Variants in OTUD7A observed in about 807,000 individuals in gnomAD.
The protein encoded by OTUD7A is OTU domain-containing protein 7A.
In OTUD7A, 12 loss-of-function variants were observed where a neutral mutation model predicts 65.7. The ratio of observed to expected loss-of-function variants is 0.18; its 90% confidence interval spans 0.12 to 0.30. The LOEUF is 0.30. OTUD7A is among the 10% of genes least tolerant of loss of function. The pLI is 1.00. For missense variants in OTUD7A, 1,148 were observed against 1,304.8 expected (o/e 0.88, Z 1.85); for synonymous variants, 641 against 586.3 (o/e 1.09, Z -1.35).
At chr15:31,750,253 CA>C (rs1894595419) in intron 1 of OTUD7A, among the ~76,000 whole-genome samples, 1 of 151,764 alleles carries the variant, frequency 6.6e-6, no homozygotes, top group African/African-American at 2.4e-5. Context: ...ACAAAAAATA[CA>C]AAAATTAGCT....
At chr15:31,571,731 T>TCA (rs1285471617) in intron 3 of OTUD7A, among the ~76,000 whole-genome samples, 1 of 152,188 alleles carries the variant, frequency 6.6e-6, no homozygotes, top group African/African-American at 2.4e-5. Flanking sequence ...CTTCCAGCAC[T>TCA]CAGAGTTAAA....
At chr15:31,672,873 G>GT (rs1224358822) in intron 1 of OTUD7A, among the ~76,000 whole-genome samples, 1 of 152,208 alleles carries the variant, frequency 6.6e-6, no homozygotes, top group African/African-American at 2.4e-5. Context: ...GGGAATAGCA[G>GT]TAAGTGTAGG....
intron 5 of OTUD7A, among the ~76,000 whole-genome samples, chr15:31,555,217 T>TG (rs1188186446): frequency 2.0e-5 from 3 of 152,170 alleles, no homozygotes; most frequent in Non-Finnish European, 4.4e-5. Context: ...ACCTGAGCCC[T>TG]GGGTTCATGT....
intron 3 of OTUD7A, among the ~76,000 whole-genome samples, chr15:31,574,721 G>A (rs1482771591): frequency 6.6e-6 from 1 of 152,204 alleles, no homozygotes; most frequent in Admixed American, 6.5e-5. Flanking sequence ...TGACCTGGGA[G>A]AAGCTGCATC....
chr15:31,680,084 C>T (rs1892678684), intron 1 of OTUD7A, among the ~76,000 whole-genome samples: 2 of 152,124 alleles, frequency 1.3e-5, no homozygotes, highest in Admixed American at 1.3e-4. Context: ...ACCACCCTCA[C>T]CCAAGCCCTC....
chr15:31,725,999 T>C (rs1199912946), intron 1 of OTUD7A, among the ~76,000 whole-genome samples: 1 of 152,128 alleles, frequency 6.6e-6, no homozygotes, highest in East Asian at 1.9e-4. Flanking sequence ...ATCTCTATAT[T>C]GATGACTCTC....
intron 1 of OTUD7A, among the ~76,000 whole-genome samples, chr15:31,681,902 G>T (rs1291160944): frequency 6.6e-6 from 1 of 151,876 alleles, no homozygotes; most frequent in Non-Finnish European, 1.5e-5. Flanking sequence ...TATTTGGGCT[G>T]CTGGCCTAAA....
chr15:31,777,991 T>TGC (rs1308504457), intron 1 of OTUD7A, among the ~76,000 whole-genome samples: 1 of 152,074 alleles, frequency 6.6e-6, no homozygotes, highest in African/African-American at 2.4e-5. Context: ...GAGCGGCTCT[T>TGC]AGACACGGTT....
chr15:31,672,682 G>A (rs942539685), intron 1 of OTUD7A, among the ~76,000 whole-genome samples: 2 of 152,200 alleles, frequency 1.3e-5, no homozygotes, highest in South Asian at 2.1e-4. Flanking sequence ...ACAATGGAAC[G>A]GGGTGTCTTC....
intron 8 of OTUD7A, among the ~76,000 whole-genome samples, chr15:31,506,041 AT>A (rs937745768): frequency 1.5e-4 from 23 of 148,500 alleles, no homozygotes; most frequent in Admixed American, 3.4e-4. Context: ...CCTGGCCACA[AT>A]TTTTTTTTTT....
chr15:31,558,829 C>G (rs774917575), intron 5 of OTUD7A, 140 bp downstream of exon 5: 76 of 870,470 alleles, frequency 8.7e-5, no homozygotes, highest in Non-Finnish European at 1.3e-4. Flanking sequence ...GCAGGAGGTG[C>G]GGTGCAGCAT....
chr15:31,862,865 T>A (rs1172724229), intron 1 of OTUD7A, among the ~76,000 whole-genome samples: 1 of 152,198 alleles, frequency 6.6e-6, no homozygotes, highest in Non-Finnish European at 1.5e-5. Flanking sequence ...AAGTCCACAG[T>A]CCAAAGTCTC....
At chr15:31,495,078 A>G (rs1299601912) in intron 10 of OTUD7A, among the ~76,000 whole-genome samples, 2 of 152,094 alleles carry the variant, frequency 1.3e-5, no homozygotes, top group Admixed American at 1.3e-4. Flanking sequence ...CCTAATTTGT[A>G]GCTCAGGAGG....
intron 1 of OTUD7A, among the ~76,000 whole-genome samples, chr15:31,831,128 C>A (rs1177462987): frequency 6.6e-6 from 1 of 152,156 alleles, no homozygotes; most frequent in Non-Finnish European, 1.5e-5. Flanking sequence ...AAACTTGAAT[C>A]CCTACCTCAC....
chr15:31,775,192 T>C (rs1895344881), intron 1 of OTUD7A, among the ~76,000 whole-genome samples: 1 of 152,108 alleles, frequency 6.6e-6, no homozygotes, highest in African/African-American at 2.4e-5. Flanking sequence ...ATCATCTTTA[T>C]TCACTTTCTG....
chr15:31,479,938 G>C lies in OTUD7A; in HGVS notation c.*3356C>G, dbSNP rs1229745523. 6.6e-6 allele frequency: 1 copy of C among 152,148 alleles called. No individual in the cohort carries two copies. The highest frequency in any genetic ancestry group is 1.5e-5 in the Non-Finnish European group (1 of 68,032). 9.4% of individuals were successfully genotyped at this position (152,148 alleles called of 1,614,324 possible). ...ACAAAGTATTCATTTAAGAGGAAAG[G>C]TGCAGTACCAAAATCCATGAACAGA... On this transcript the variant is annotated 3_prime_UTR_variant, in exon 13 of 13. Transcript: ENST00000307050.
At chr15:31,843,969 A>AGCAG (rs1567051498) in intron 1 of OTUD7A, among the ~76,000 whole-genome samples, 2 of 152,200 alleles carry the variant, frequency 1.3e-5, no homozygotes. Flanking sequence ...ACCTCAGGGG[A>AGCAG]GCAGGGCCAC....
At chr15:31,821,197 G>A (rs1205307702) in intron 1 of OTUD7A, among the ~76,000 whole-genome samples, 4 of 143,842 alleles carry the variant, frequency 2.8e-5, no homozygotes, top group South Asian at 2.3e-4. Context: ...GTGCAGTGGC[G>A]CAATCTCAGC....
chr15:31,668,628 C>A (rs1305519491), intron 1 of OTUD7A, among the ~76,000 whole-genome samples: 4 of 152,230 alleles, frequency 2.6e-5, no homozygotes, highest in Non-Finnish European at 4.4e-5. Flanking sequence ...TAATAACTAA[C>A]CTCCTGAATT....
Sources: allele counts gnomAD v4.1 joint callset (sites outside exome capture counted in the v4.1 genomes callset), GRCh38; gene constraint gnomAD v4.1.1; transcripts MANE v1.5; gene names NCBI Gene and HGNC (gene_info 2026-07-23, HGNC 2026-07-21).